PIK3R1: variants seen among roughly 807,000 people sequenced by gnomAD.
PIK3R1 encodes the protein phosphoinositide-3-kinase regulatory subunit 1.
PIK3R1 carries 29 observed loss-of-function variants against 98.0 expected under a neutral mutation model. The observed-to-expected ratio is 0.30, with a 90% CI of 0.22 to 0.40. The LOEUF (loss-of-function observed/expected upper bound fraction) is 0.40. Among genes scored for constraint, PIK3R1 ranks in the 10% least tolerant of loss-of-function variants. The probability of loss-of-function intolerance (pLI) is 1.00; values close to 1 mark genes in which losing one functional copy is unlikely to be tolerated. For synonymous variants in PIK3R1, 282 were observed against 311.8 expected (o/e 0.90, Z 1.01); for missense variants, 596 against 872.7 (o/e 0.68, Z 3.99).
rs919015913 is a variant in PIK3R1, at chr5:68,300,418, T to G, written c.*2817T>G. On this transcript the variant is annotated 3_prime_UTR_variant, in exon 16 of 16. Coordinates refer to ENST00000521381, the MANE Select transcript of PIK3R1 (RefSeq NM_181523.3). ...AGATACAGCAGAGGCACTCCTGATA[T>G]ATGATTTTTATCCATGCGTCAGTTT... is the stretch of plus-strand genomic sequence containing the variant. 2.6e-5 allele frequency: 6 copies of G among 232,932 alleles called. No homozygotes were observed. Among genetic ancestry groups the G allele is most frequent in the African/African-American group, 1.3e-4 (6 of 45,332 alleles). The allele number at this position is 232,932 out of a possible 1,614,324, so 14.4% of individuals were successfully genotyped here. A position where few individuals can be genotyped will look rare whatever the true frequency, so the allele number is the denominator to read the frequency against.
chr5:68,290,491 G>T, intron 7 of PIK3R1: 1 of 399,386 alleles, frequency 2.5e-6, no homozygotes, highest in East Asian at 3.9e-5. Flanking sequence ...ATATATTGCA[G>T]TTCTATTAAA....
intron 15 of PIK3R1, among the ~76,000 whole-genome samples, chr5:68,297,177 T>C (rs1414430240): frequency 6.6e-6 from 1 of 152,222 alleles, no homozygotes; most frequent in African/African-American, 2.4e-5. Flanking sequence ...TCAAAGTAAC[T>C]GTATTACATG....
intron 2 of PIK3R1, among the ~76,000 whole-genome samples, chr5:68,257,408 G>A (rs533363240): frequency 4.0e-5 from 6 of 151,860 alleles, no homozygotes; most frequent in Non-Finnish European, 8.8e-5. Context: ...GGCAGGCCCC[G>A]GTAATTACGG....
intron 2 of PIK3R1, among the ~76,000 whole-genome samples, chr5:68,247,844 C>CTGTTTTTCCAGATCA (rs1165044385): frequency 6.6e-6 from 1 of 152,124 alleles, no homozygotes; most frequent in Non-Finnish European, 1.5e-5. Context: ...GTGCCAGGGC[C>CTGTTTTTCCAGATCA]TGTTTTTCCA....
chr5:68,266,808 A>G (rs1176290706), intron 2 of PIK3R1, among the ~76,000 whole-genome samples: 1 of 152,226 alleles, frequency 6.6e-6, no homozygotes, highest in Non-Finnish European at 1.5e-5. Context: ...AATAGAGACT[A>G]TACACCTTTG....
At chr5:68,296,520 A>AGTGTATGTTAATACAGTCTAATAGATAC (rs1428461227) in intron 15 of PIK3R1, among the ~76,000 whole-genome samples, 179 bp downstream of exon 15, 3 of 152,230 alleles carry the variant, frequency 2.0e-5, no homozygotes, top group African/African-American at 4.8e-5. Flanking sequence ...TCTAGCCAGA[A>AGTGTATGTTAATACAGTCTAATAGATAC]GTGTATGTTA....
In PIK3R1 at chr5:68,301,380, GTGTGTGTGTGTGTATA is replaced by G. The variant is rs1748043870; in HGVS notation, c.*3781_*3796del. 1 of 44,638 alleles carries G rather than the reference GTGTGTGTGTGTGTATA, an allele frequency of 2.2e-5. No individual in the cohort carries two copies. The highest frequency in any genetic ancestry group is 4.5e-5 in the Non-Finnish European group (1 of 22,220). The allele number at this position is 44,638 out of a possible 1,614,324, so 2.8% of individuals were successfully genotyped here. On this transcript the variant is annotated 3_prime_UTR_variant, in exon 16 of 16. Coordinates refer to ENST00000521381, the MANE Select transcript of PIK3R1 (RefSeq NM_181523.3). ...TATATATATATATGTGTGTGTGTGTGTGTGTGTGTGTGTATATATATATATATATATATATATATAT... is the reference window on the plus strand; with the variant it reads ...TATATATATATATGTGTGTGTGTGTGTATATATATATATATATATATATAT...
chr5:68,295,122 A>G, intron 12 of PIK3R1, 26 bp from the exon 13 acceptor site: 1 of 1,605,182 alleles, frequency 6.2e-7, no homozygotes. Flanking sequence ...CCCAGATAAT[A>G]ACAAATACGT....
chr5:68,262,554 T>TAC (rs1745822821), intron 2 of PIK3R1, among the ~76,000 whole-genome samples: 1 of 145,502 alleles, frequency 6.9e-6, no homozygotes, highest in African/African-American at 2.6e-5. Context: ...ATCTAATGTA[T>TAC]ACATGTATAC....
chr5:68,262,248 T>G (rs1020467851), intron 2 of PIK3R1, among the ~76,000 whole-genome samples: 1 of 151,776 alleles, frequency 6.6e-6, no homozygotes, highest in Non-Finnish European at 1.5e-5. Flanking sequence ...CTGTAGTCTA[T>G]ATTGACATAA....
intron 2 of PIK3R1, among the ~76,000 whole-genome samples, chr5:68,234,274 C>T (rs956088511): frequency 6.6e-6 from 1 of 152,088 alleles, no homozygotes; most frequent in South Asian, 2.1e-4. Context: ...GAAGAACTGT[C>T]GGAGAAATAA....
chr5:68,288,401 G>GA (rs1747172269), intron 7 of PIK3R1: 1 of 1,187,740 alleles, frequency 8.4e-7, no homozygotes. Flanking sequence ...GAGCGCCTGG[G>GA]CTCCTTTCCT....
intron 2 of PIK3R1, among the ~76,000 whole-genome samples, chr5:68,242,126 G>A (rs1208734543): frequency 1.3e-5 from 2 of 152,118 alleles, no homozygotes; most frequent in Non-Finnish European, 2.9e-5. Context: ...CAAAAGTGTT[G>A]TGCTATTTGA....
At chr5:68,231,220 G>A (rs758739345) in intron 2 of PIK3R1, among the ~76,000 whole-genome samples, 1 of 152,146 alleles carries the variant, frequency 6.6e-6, no homozygotes, top group Non-Finnish European at 1.5e-5. Flanking sequence ...TATTTAGACG[G>A]GTGAGAGTCT....
intron 7 of PIK3R1, among the ~76,000 whole-genome samples, chr5:68,282,635 AC>A (rs1333211692): frequency 6.6e-6 from 1 of 152,330 alleles, no homozygotes; most frequent in East Asian, 1.9e-4. Flanking sequence ...TCCTAATTCC[AC>A]CAAAGTAAAA....
At chr5:68,281,349 T>C (rs1400108347) in intron 7 of PIK3R1, among the ~76,000 whole-genome samples, 7 of 152,182 alleles carry the variant, frequency 4.6e-5, no homozygotes, top group African/African-American at 1.7e-4. Flanking sequence ...ACTTACAAAG[T>C]AGGGGATTTA....
intron 1 of PIK3R1, among the ~76,000 whole-genome samples, 177 bp downstream of exon 1, chr5:68,216,126 C>T (rs1372312119): frequency 6.6e-6 from 1 of 151,922 alleles, no homozygotes; most frequent in Non-Finnish European, 1.5e-5. Context: ...CTCCTGGCCG[C>T]CGGGCAGCAC....
At chr5:68,263,095 A>T (rs1437177945) in intron 2 of PIK3R1, among the ~76,000 whole-genome samples, 1 of 138,692 alleles carries the variant, frequency 7.2e-6, no homozygotes, top group East Asian at 2.0e-4. Flanking sequence ...ATGTAGATAC[A>T]TGTATATAGA....
chr5:68,295,012 A>G (rs1027019706), intron 12 of PIK3R1, 136 bp from the exon 13 acceptor site: 6 of 504,558 alleles, frequency 1.2e-5, no homozygotes, highest in African/African-American at 9.9e-5. Flanking sequence ...TCCAAAAAAA[A>G]AAAAAAATGA....
Sources: gnomAD v4.1 joint callset for allele counts (sites outside exome capture counted in the v4.1 genomes callset) on GRCh38, gnomAD v4.1.1 for gene constraint, MANE v1.5 for transcripts, NCBI Gene and HGNC (gene_info 2026-07-23, HGNC 2026-07-21) for gene names.